Variants in RIC8B observed in about 807,000 individuals in gnomAD.
RIC8B encodes the protein RIC8 guanine nucleotide exchange factor B, also known as chaperone Ric-8B.
Under a neutral mutation model 57.5 loss-of-function variants are expected in RIC8B, and 16 were observed. The ratio of observed to expected loss-of-function variants is 0.28; its 90% confidence interval spans 0.19 to 0.42. The LOEUF (loss-of-function observed/expected upper bound fraction) is 0.42. Among genes scored for constraint, RIC8B ranks in the 10% least tolerant of loss-of-function variants. The pLI is 1.00. For synonymous variants in RIC8B, 216 were observed against 250.8 expected (o/e 0.86, Z 1.31); for missense variants, 481 against 677.0 (o/e 0.71, Z 3.21).
In RIC8B at chr12:106,814,789, G is replaced by C; in HGVS notation, c.226G>C (p.Asp76His). ...GGAAGTACTCCGCATTCTCTCCAGA[G>C]ACAAAAAGGTTTTAGTTCCTGTGAC... ...CLEVLRILSR[D>H]KKVLVPVTTK... Residue 76 changes from aspartate (D) to histidine (H), a missense_variant, in exon 3 of 10, where the codon GAC (aspartate) becomes CAC (histidine). Physicochemically the swap from Asp to His is moderately conservative, Grantham distance 81 (BLOSUM62 -1). This residue lies in a region of RIC8B where 421 missense variants were observed against 560.9 expected (regional missense o/e 0.75). Coordinates refer to ENST00000392837, the MANE Select transcript of RIC8B (RefSeq NM_001330145.2). The C allele has an allele frequency of 6.2e-7, 1 of 1,614,188 alleles. No homozygotes were observed. Among genetic ancestry groups the C allele is most frequent in the Non-Finnish European group, 8.5e-7 (1 of 1,180,032 alleles).
At chr12:106,860,911 A>G (rs1949904097) in intron 8 of RIC8B, among the ~76,000 whole-genome samples, 1 of 152,178 alleles carries the variant, frequency 6.6e-6, no homozygotes, top group African/African-American at 2.4e-5. Flanking sequence ...GTGAATTTTA[A>G]TCAAACAAAC....
intron 9 of RIC8B, chr12:106,873,113 A>T: frequency 1.0e-6 from 1 of 985,398 alleles, no homozygotes; most frequent in Non-Finnish European, 1.2e-6. Flanking sequence ...CACCTGATTT[A>T]AACTATGCCT....
intron 6 of RIC8B, among the ~76,000 whole-genome samples, chr12:106,848,883 AT>A (rs916104591): frequency 6.6e-6 from 1 of 152,152 alleles, no homozygotes; most frequent in Non-Finnish European, 1.5e-5. Flanking sequence ...TAGATATAAA[AT>A]TTCAATAATG....
At chr12:106,794,466 A>G (rs1314159367) in intron 2 of RIC8B, among the ~76,000 whole-genome samples, 1 of 152,250 alleles carries the variant, frequency 6.6e-6, no homozygotes, top group African/African-American at 2.4e-5. Flanking sequence ...CAGTGAACCC[A>G]AAGAGATGCA....
chr12:106,831,775 A>G (rs55888528), intron 4 of RIC8B, among the ~76,000 whole-genome samples: 27,752 of 152,128 alleles, frequency 0.18, 2,816 homozygotes, highest in African/African-American at 0.24. Flanking sequence ...GAGGGAAACC[A>G]TCTCTGGTTG....
chr12:106,798,304 G>A lies in RIC8B; in HGVS notation c.132+14260G>A, dbSNP rs140427273. On this transcript the variant is annotated intron_variant, in intron 2 of 9. Coordinates refer to ENST00000392837, the MANE Select transcript of RIC8B (RefSeq NM_001330145.2). ...ATGTATGGAAAACTCATAGGGACCT[G>A]AAAGTTCTTGGCTGACCAGATGTTT... 5.6e-3 allele frequency among the ~76,000 whole-genome samples: 847 copies of A among 152,278 alleles called. 9 individuals carry two copies. Among genetic ancestry groups the A allele is most frequent in the African/African-American group, 0.019 (804 of 41,552 alleles).
chr12:106,843,039 T>C (rs1949027258), intron 5 of RIC8B, among the ~76,000 whole-genome samples: 1 of 152,216 alleles, frequency 6.6e-6, no homozygotes, highest in Non-Finnish European at 1.5e-5. Flanking sequence ...ATTATGTTCA[T>C]GCAACACCAA....
chr12:106,782,220 T>C (rs1466840224), intron 1 of RIC8B, among the ~76,000 whole-genome samples: 10 of 152,334 alleles, frequency 6.6e-5, no homozygotes. Flanking sequence ...TTTCTTCCAC[T>C]ATGTTGGATG....
chr12:106,842,886 C>A, intron 5 of RIC8B, 69 bp downstream of exon 5: 2 of 895,126 alleles, frequency 2.2e-6, no homozygotes, highest in Non-Finnish European at 1.8e-6. Flanking sequence ...TACATACAGA[C>A]ACACATCACA....
chr12:106,813,187 C>CTTTTTTTTT (rs35584850), intron 2 of RIC8B, among the ~76,000 whole-genome samples: 1 of 98,680 alleles, frequency 1.0e-5, no homozygotes, highest in Non-Finnish European at 2.0e-5. Flanking sequence ...AATACTATGC[C>CTTTTTTTTT]TTTTTTTTTT....
intron 2 of RIC8B, among the ~76,000 whole-genome samples, chr12:106,795,585 A>G (rs1243691940): frequency 2.6e-5 from 4 of 152,130 alleles, no homozygotes; most frequent in Non-Finnish European, 5.9e-5. Flanking sequence ...TATGCAAATG[A>G]ACTTTCCCAT....
chr12:106,791,898 G>A (rs915704019), intron 2 of RIC8B, among the ~76,000 whole-genome samples: 5 of 152,160 alleles, frequency 3.3e-5, no homozygotes, highest in Admixed American at 3.3e-4. Flanking sequence ...CTTGAGGAAT[G>A]GATGCTTGTT....
At chr12:106,789,496 A>C (rs1003562370) in intron 2 of RIC8B, among the ~76,000 whole-genome samples, 2 of 152,172 alleles carry the variant, frequency 1.3e-5, no homozygotes, top group Admixed American at 6.5e-5. Context: ...GTTTAATTGG[A>C]CTTAAAATTC....
chr12:106,800,504 A>G (rs2044684549), intron 2 of RIC8B, among the ~76,000 whole-genome samples: 1 of 152,170 alleles, frequency 6.6e-6, no homozygotes, highest in African/African-American at 2.4e-5. Context: ...TTGCATTTCA[A>G]CATGAGATTG....
At chr12:106,802,507 G>A (rs2044777819) in intron 2 of RIC8B, among the ~76,000 whole-genome samples, 1 of 145,168 alleles carries the variant, frequency 6.9e-6, no homozygotes, top group African/African-American at 2.5e-5. Flanking sequence ...ATAGGGATAG[G>A]TATTTCACTG....
intron 2 of RIC8B, among the ~76,000 whole-genome samples, chr12:106,786,210 C>T (rs770380289): frequency 3.7e-5 from 5 of 135,432 alleles, no homozygotes; most frequent in Non-Finnish European, 6.1e-5. Flanking sequence ...AGTGCAGTGG[C>T]GCCATCTCAG....
At chr12:106,782,542 C>A (rs890311787) in intron 1 of RIC8B, among the ~76,000 whole-genome samples, 1 of 152,148 alleles carries the variant, frequency 6.6e-6, no homozygotes, top group Non-Finnish European at 1.5e-5. Context: ...GTAGTCTTCC[C>A]CTGGTTGCCT....
chr12:106,882,444 G>A (rs1391794034), intron 9 of RIC8B, among the ~76,000 whole-genome samples: 1 of 152,088 alleles, frequency 6.6e-6, no homozygotes, highest in Non-Finnish European at 1.5e-5. Flanking sequence ...ACGAATATTT[G>A]TTCTGTACAA....
intron 1 of RIC8B, among the ~76,000 whole-genome samples, chr12:106,780,357 A>G (rs2136149272): frequency 6.6e-6 from 1 of 152,306 alleles, no homozygotes; most frequent in South Asian, 2.1e-4. Context: ...ACAGATAGGT[A>G]GGTCTCTAGT....
Sources: gnomAD v4.1 joint callset for allele counts (sites outside exome capture counted in the v4.1 genomes callset) on GRCh38, gnomAD v4.1.1 for gene constraint, gnomAD v4.1.1 regional missense constraint, MANE v1.5 for transcripts, NCBI Gene and HGNC (gene_info 2026-07-23, HGNC 2026-07-21) for gene names.